NEGR1: variants seen among roughly 807,000 people sequenced by gnomAD.
NEGR1 encodes the protein neuronal growth regulator 1.
Under a neutral mutation model 40.9 loss-of-function variants are expected in NEGR1, and 10 were observed. The ratio of observed to expected loss-of-function variants is 0.24; its 90% CI spans 0.15 to 0.42. The LOEUF is 0.42. Ranked by LOEUF, NEGR1 falls within the 10% of genes least tolerant of loss-of-function variation. The pLI is 1.00. For missense variants in NEGR1, 352 were observed against 438.9 expected (o/e 0.80, Z 1.77); for synonymous variants, 185 against 166.8 (o/e 1.11, Z -0.84).
intron 2 of NEGR1, among the ~76,000 whole-genome samples, chr1:71,797,575 T>C (rs916483952): frequency 2.0e-5 from 3 of 152,170 alleles, no homozygotes; most frequent in Admixed American, 1.3e-4. Context: ...GGAAAATGTA[T>C]AAGATAATAA....
chr1:71,863,892 GTTAA>G (rs1387023902), intron 2 of NEGR1, among the ~76,000 whole-genome samples: 4 of 152,032 alleles, frequency 2.6e-5, no homozygotes, highest in Non-Finnish European at 4.4e-5. Context: ...TTCACTAGGT[GTTAA>G]TTAGTTTATA....
chr1:71,962,076 T>A (rs1210064256), intron 1 of NEGR1, among the ~76,000 whole-genome samples: 1 of 151,962 alleles, frequency 6.6e-6, no homozygotes, highest in Non-Finnish European at 1.5e-5. Flanking sequence ...TATAAAGTAA[T>A]GCTTTCATGA....
At chr1:71,531,225 A>G (rs1385760928) in intron 6 of NEGR1, among the ~76,000 whole-genome samples, 8 of 151,340 alleles carry the variant, frequency 5.3e-5, no homozygotes, top group African/African-American at 1.9e-4. Flanking sequence ...AAAATATGCT[A>G]TTACTGGATG....
chr1:72,213,251 G>T (rs943404169), intron 1 of NEGR1, among the ~76,000 whole-genome samples: 4 of 151,858 alleles, frequency 2.6e-5, no homozygotes, highest in African/African-American at 7.2e-5. Flanking sequence ...TACGAATGAG[G>T]ATTAATTCAG....
Position 71,406,834 on chromosome 1 carries a change from C to T in NEGR1, c.*612G>A, listed in dbSNP as rs984326202. 1.3e-5 allele frequency: 2 copies of T among 152,396 alleles called. No homozygotes were observed. Among genetic ancestry groups the T allele is most frequent in the Non-Finnish European group, 2.9e-5 (2 of 67,928 alleles). The allele number at this position is 152,396 out of a possible 1,614,324, so 9.4% of individuals were successfully genotyped here. On this transcript the variant is annotated 3_prime_UTR_variant, in exon 7 of 7. Transcript: ENST00000357731. ...AGAGAAAAATATTATTGTATGAAGG[C>T]ACACCCATGCTGAACTTACAGGAAA...
chr1:71,764,205 A>T (rs933371216), intron 3 of NEGR1, among the ~76,000 whole-genome samples: 5 of 152,346 alleles, frequency 3.3e-5, no homozygotes, highest in African/African-American at 9.6e-5. Context: ...TGTCAATTGA[A>T]TAAAATGACA....
chr1:71,468,097 A>G (rs1646758410), intron 6 of NEGR1, among the ~76,000 whole-genome samples: 1 of 151,978 alleles, frequency 6.6e-6, no homozygotes, highest in African/African-American at 2.4e-5. Flanking sequence ...ACAACTTAAA[A>G]TGATCCAACA....
rs1557438595 is a variant in NEGR1 at position 71,928,188 on chromosome 1, G to GTA, written c.409+6889_409+6890dup. 1.9e-3 allele frequency among the ~76,000 whole-genome samples: 65 copies of GTA among 34,948 alleles called. 2 individuals are homozygous for GTA. Among genetic ancestry groups the GTA allele is most frequent in the East Asian group, 0.011 (8 of 748 alleles). 22.9% of individuals were successfully genotyped at this position (34,948 alleles called of 152,430 possible). On this transcript the variant is annotated intron_variant, in intron 2 of 6. Coordinates refer to ENST00000357731, the MANE Select transcript of NEGR1 (RefSeq NM_173808.3). ...TATATATGTATATATACACACATAT[G>GTA]TATATACGTATATATGTATATATAC...
chr1:72,119,379 G>C lies in NEGR1; in HGVS notation c.176+162940C>G, dbSNP rs144147237. Reference sequence around the variant, plus strand: ...TTTTGTTTCTAATTGAGTAGTATATGGTCTGTATGAGACAAAACTGGAAAT... The same window carrying C: ...TTTTGTTTCTAATTGAGTAGTATATCGTCTGTATGAGACAAAACTGGAAAT... On this transcript the variant is annotated intron_variant, in intron 1 of 6. Transcript: ENST00000357731. Among the ~76,000 whole-genome samples the C allele has an allele frequency of 3.1e-4, 47 of 151,738 alleles. No homozygotes were observed. In the East Asian group the frequency reaches 9.1e-3, roughly 30 times the overall value.
At chr1:71,962,210 C>T (rs139697439) in intron 1 of NEGR1, among the ~76,000 whole-genome samples, 34 of 152,062 alleles carry the variant, frequency 2.2e-4, no homozygotes, top group Admixed American at 2.2e-3. Flanking sequence ...CTTGTCAACA[C>T]AAAAGGCCAA....
At chr1:71,417,513 T>C (rs1646364158) in intron 6 of NEGR1, among the ~76,000 whole-genome samples, 1 of 152,198 alleles carries the variant, frequency 6.6e-6, no homozygotes, top group South Asian at 2.1e-4. Flanking sequence ...CATCATACCA[T>C]AAATATAGAG....
chr1:71,659,679 A>G (rs1651992464), intron 4 of NEGR1, among the ~76,000 whole-genome samples: 1 of 152,194 alleles, frequency 6.6e-6, no homozygotes, highest in Admixed American at 6.5e-5. Context: ...ATGAACAGAT[A>G]CTTCTTGAAA....
chr1:71,776,413 G>T, intron 2 of NEGR1, 116 bp from the exon 3 acceptor site: 3 of 459,462 alleles, frequency 6.5e-6, no homozygotes, highest in Non-Finnish European at 1.1e-5. Context: ...TGTATATATG[G>T]CCTATGGGCC....
In NEGR1 at chr1:72,155,567, T is replaced by C. The variant is rs2821298; in HGVS notation, c.176+126752A>G. On this transcript the variant is annotated intron_variant, in intron 1 of 6. Transcript: ENST00000357731. ...CATTTTCACTTCTCAGGTTATTAAT[T>C]GAAAATAAAATATGTATCTTCATTG... is the stretch of plus-strand genomic sequence containing the variant. 3.9e-3 allele frequency among the ~76,000 whole-genome samples: 588 copies of C among 152,256 alleles called. 3 individuals carry two copies. The highest frequency in any genetic ancestry group is 0.014 in the African/African-American group (573 of 41,586).
intron 6 of NEGR1, among the ~76,000 whole-genome samples, chr1:71,430,914 C>T (rs1248017278): frequency 6.6e-6 from 1 of 151,838 alleles, no homozygotes; most frequent in African/African-American, 2.4e-5. Context: ...CGCCCACCAC[C>T]GGGCCCGACT....
intron 4 of NEGR1, among the ~76,000 whole-genome samples, chr1:71,675,701 T>C (rs1224648244): frequency 2.6e-5 from 4 of 152,230 alleles, no homozygotes; most frequent in Middle Eastern, 3.4e-3. Context: ...CAAACATGAA[T>C]AGGGTATACA....
intron 1 of NEGR1, among the ~76,000 whole-genome samples, chr1:72,183,562 G>A (rs1178864547): frequency 6.6e-6 from 1 of 151,928 alleles, no homozygotes; most frequent in African/African-American, 2.4e-5. Context: ...ATTGATAACT[G>A]CTTCTTGGAA....
At chr1:71,416,039 T>A (rs760003273) in intron 6 of NEGR1, among the ~76,000 whole-genome samples, 2 of 152,198 alleles carry the variant, frequency 1.3e-5, no homozygotes, top group African/African-American at 2.4e-5. Flanking sequence ...GGGCATCATT[T>A]AGTTGAAGAA....
intron 2 of NEGR1, among the ~76,000 whole-genome samples, chr1:71,927,554 T>A (rs1397470878): frequency 6.6e-6 from 1 of 152,014 alleles, no homozygotes; most frequent in African/African-American, 2.4e-5. Context: ...TTTTCCCAAG[T>A]TTCCCAAATT....
Sources: allele counts gnomAD v4.1 joint callset (sites outside exome capture counted in the v4.1 genomes callset), GRCh38; gene constraint gnomAD v4.1.1; transcripts MANE v1.5; gene names NCBI Gene and HGNC (gene_info 2026-07-23, HGNC 2026-07-21).